ZSCAN1: variants seen among roughly 807,000 people sequenced by gnomAD.
The protein encoded by ZSCAN1 is zinc finger and SCAN domain-containing protein 1.
ZSCAN1 carries 23 observed loss-of-function variants against 23.8 expected under a neutral mutation model. The observed-to-expected ratio is 0.97, with a 90% confidence interval of 0.70 to 1.37. The LOEUF (loss-of-function observed/expected upper bound fraction) is 1.37, where lower values mean the gene tolerates loss of function less well. Ranked by LOEUF, ZSCAN1 falls within the 40% of genes most tolerant of loss-of-function variation. The pLI is 0.00. For missense variants in ZSCAN1, 575 were observed against 554.0 expected, an observed-to-expected ratio of 1.04 and a Z score of -0.38; for synonymous variants, 236 against 232.3, an observed-to-expected ratio of 1.02 and a Z score of -0.15.
intron 1 of ZSCAN1, chr19:58,035,394 T>G (rs2073727744): frequency 6.6e-6 from 1 of 152,462 alleles, no homozygotes; most frequent in African/African-American, 2.4e-5. Context: ...TGCTAAGACC[T>G]CCTCTTTACC....
chr19:58,051,074 G>C (rs982625893), intron 4 of ZSCAN1, among the ~76,000 whole-genome samples: 1 of 152,130 alleles, frequency 6.6e-6, no homozygotes, highest in Non-Finnish European at 1.5e-5. Flanking sequence ...CAAGTGTGTC[G>C]ATAGCTCCTC....
chr19:58,040,298 A>G lies in ZSCAN1; in HGVS notation c.371-152A>G. The G allele has an allele frequency of 1.3e-6, 1 of 769,894 alleles. No homozygotes were observed. Among genetic ancestry groups the G allele is most frequent in the South Asian group, 1.6e-5 (1 of 60,610 alleles). The allele number at this position is 769,894 out of a possible 1,614,324, so 47.7% of individuals were successfully genotyped here. On this transcript the variant is annotated intron_variant, in intron 3 of 5. Transcript: ENST00000282326. The surrounding 1 kb of genome is among the most constrained non-coding windows in gnomAD (Gnocchi z 5.8). ...AGGTTCCTGCCCAGCAGCCACATGG[A>G]GGGACAGAATGACAGCCCTGCAGCC...
At chr19:58,038,508 G>C (rs1315977548) in intron 3 of ZSCAN1, 2 of 559,416 alleles carry the variant, frequency 3.6e-6, no homozygotes, top group Non-Finnish European at 6.3e-6. Flanking sequence ...GAAGGACGCT[G>C]CCTCGCCACT....
In ZSCAN1 at chr19:58,038,385, G is replaced by A. The variant is rs897807117; in HGVS notation, c.370+179G>A. On this transcript the variant is annotated intron_variant, in intron 3 of 5. Transcript: ENST00000282326. ...ATTTTTACATATAAATGTGCTGCAC[G>A]CCTCATCTGCCTCGAATTTCTCACT... The A allele has an allele frequency of 6.5e-5, 48 of 743,610 alleles. No homozygotes were observed. In the Middle Eastern group the frequency reaches 9.5e-4, roughly 15 times the overall value. 46.1% of individuals were successfully genotyped at this position (743,610 alleles called of 1,614,324 possible). A position where few individuals can be genotyped will look rare whatever the true frequency, so the allele number is the denominator to read the frequency against.
At chr19:58,046,908 G>A (rs1393148963) in intron 4 of ZSCAN1, 2 of 533,376 alleles carry the variant, frequency 3.7e-6, no homozygotes, top group Non-Finnish European at 6.9e-6. Flanking sequence ...CAAGTAAACT[G>A]TAATTTTCAT....
Position 58,038,076 on chromosome 19 carries a change from G to C in ZSCAN1, c.240G>C (p.Leu80=). ...EARSKEQMLE[L]LVLEQFLGAL... ...GCTCCAAGGAGCAGATGCTGGAGCT[G>C]CTGGTGCTGGAGCAGTTCCTGGGCG... Residue 80 remains leucine, a synonymous_variant, in exon 3 of 6, where the codon CTG becomes CTC. Coordinates refer to ENST00000282326, the MANE Select transcript of ZSCAN1 (RefSeq NM_182572.4). 1 of 1,611,770 alleles carries C rather than the reference G, an allele frequency of 6.2e-7. No individual in the cohort carries two copies. Among genetic ancestry groups the C allele is most frequent in the Non-Finnish European group, 8.5e-7 (1 of 1,179,838 alleles).
At chr19:58,035,189 G>T (rs369865295) in intron 1 of ZSCAN1, among the ~76,000 whole-genome samples, 80 of 151,998 alleles carry the variant, frequency 5.3e-4, no homozygotes, top group African/African-American at 1.9e-3. Flanking sequence ...TTGCCCATGG[G>T]GGGGCCCAGA....
chr19:58,036,044 C>G (rs1303554434), intron 2 of ZSCAN1, 33 bp downstream of exon 2: 1 of 152,268 alleles, frequency 6.6e-6, no homozygotes, highest in South Asian at 2.1e-4. Flanking sequence ...GGCCGCCCCC[C>G]ATGGGCGTCT....
chr19:58,048,606 C>A (rs955619773), intron 4 of ZSCAN1, among the ~76,000 whole-genome samples: 1 of 152,172 alleles, frequency 6.6e-6, no homozygotes, highest in African/African-American at 2.4e-5. Flanking sequence ...CACAGACAAA[C>A]GCCACTATGC....
intron 4 of ZSCAN1, chr19:58,046,155 GC>G (rs1292668846): frequency 2.7e-6 from 2 of 729,078 alleles, no homozygotes; most frequent in East Asian, 4.9e-5. Flanking sequence ...CTGCCCCCGT[GC>G]TAGAGGGCTT....
intron 4 of ZSCAN1, chr19:58,046,490 T>G (rs990966975): frequency 1.1e-6 from 1 of 881,984 alleles, no homozygotes; most frequent in Admixed American, 1.7e-5. Flanking sequence ...GGCGTGCCCA[T>G]GGGGGAGAAC....
intron 4 of ZSCAN1, among the ~76,000 whole-genome samples, chr19:58,043,700 A>T (rs2073805317): frequency 6.6e-6 from 1 of 151,908 alleles, no homozygotes; most frequent in Admixed American, 6.5e-5. Context: ...CCCAGGCTGG[A>T]GTGCAGTGGC....
In ZSCAN1 at chr19:58,054,390, G is replaced by A. The variant is rs1225224949; in HGVS notation, c.*339G>A. 4.4e-6 allele frequency: 1 copy of A among 224,786 alleles called. No homozygotes were observed. Among genetic ancestry groups the A allele is most frequent in the Non-Finnish European group, 8.7e-6 (1 of 114,622 alleles). 13.9% of individuals were successfully genotyped at this position (224,786 alleles called of 1,614,324 possible). ...TCTCCCTGTTAGCACCTGACTCAGC[G>A]GCAGCTTCTGCCGCTGGGTTTTCAT... On this transcript the variant is annotated 3_prime_UTR_variant, in exon 6 of 6. Coordinates refer to ENST00000282326, the MANE Select transcript of ZSCAN1 (RefSeq NM_182572.4). This position sits in a 1 kb window ranked among gnomAD's most constrained non-coding sequence, Gnocchi z 4.2.
In ZSCAN1 at chr19:58,049,567, T is replaced by G. The variant is rs1159539075; in HGVS notation, c.466-2923T>G. ...AGTCATTATAATTTTACGAGATCAC[T>G]GTGGTGTGTGTGGTCCATTGTTGAC... is the stretch of plus-strand genomic sequence containing the variant. On this transcript the variant is annotated intron_variant, in intron 4 of 5. Transcript: ENST00000282326. The surrounding 1 kb of genome is among the most constrained non-coding windows in gnomAD (Gnocchi z 4.5). 1.3e-5 allele frequency among the ~76,000 whole-genome samples: 2 copies of G among 152,134 alleles called. No homozygotes were observed. The highest frequency in any genetic ancestry group is 2.9e-5 in the Non-Finnish European group (2 of 68,024).
In ZSCAN1 at chr19:58,040,575, T is replaced by G. The variant is rs371329143; in HGVS notation, c.465+31T>G. ...CCCGGGGCCCCCAGCTCCGTGCTCC[T>G]GCACCCCAGGGCATGCGTGCCGCTT... is the stretch of plus-strand genomic sequence containing the variant. On this transcript the variant is annotated intron_variant, in intron 4 of 5. Coordinates refer to ENST00000282326, the MANE Select transcript of ZSCAN1 (RefSeq NM_182572.4). The surrounding 1 kb of genome is among the most constrained non-coding windows in gnomAD (Gnocchi z 5.8). 70 of 1,605,496 alleles carry G rather than the reference T, an allele frequency of 4.4e-5. No homozygotes were observed. Among genetic ancestry groups the G allele is most frequent in the Admixed American group, 1.2e-4 (7 of 59,984 alleles).
At chr19:58,038,634 G>A (rs1459894364) in intron 3 of ZSCAN1, among the ~76,000 whole-genome samples, 1 of 152,216 alleles carries the variant, frequency 6.6e-6, no homozygotes, top group Non-Finnish European at 1.5e-5. Context: ...GCTTAGGTCT[G>A]CATCCCGACT....
Position 58,045,853 on chromosome 19 carries a change from G to A in ZSCAN1, c.465+5309G>A. ...GTAGCTCCCGGACACCCTCTTGCCA[G>A]CCGACCAGCTCAAGTCCACACTGCA... On this transcript the variant is annotated intron_variant, in intron 4 of 5. Transcript: ENST00000282326. The surrounding 1 kb of genome is among the most constrained non-coding windows in gnomAD (Gnocchi z 4.3). 1 of 1,133,338 alleles carries A rather than the reference G, an allele frequency of 8.8e-7. No homozygotes were observed. The highest frequency in any genetic ancestry group is 1.3e-6 in the Non-Finnish European group (1 of 741,584). 70.2% of individuals were successfully genotyped at this position (1,133,338 alleles called of 1,614,324 possible). A position where few individuals can be genotyped will look rare whatever the true frequency, so the allele number is the denominator to read the frequency against.
At position 58,045,930 on chromosome 19, in the gene ZSCAN1, G is replaced by A; in HGVS notation, c.465+5386G>A. ...AAGCACAGGTGAAAGTGGCCGAGGT[G>A]GAGGGCAAGCAGGTGGACAAGGCCA... On this transcript the variant is annotated intron_variant, in intron 4 of 5. Transcript: ENST00000282326. This position sits in a 1 kb window ranked among gnomAD's most constrained non-coding sequence, Gnocchi z 4.3. 1.1e-6 allele frequency: 1 copy of A among 918,288 alleles called. No homozygotes were observed. Among genetic ancestry groups the A allele is most frequent in the East Asian group, 2.4e-5 (1 of 41,886 alleles). The allele number at this position is 918,288 out of a possible 1,614,324, so 56.9% of individuals were successfully genotyped here. A position where few individuals can be genotyped will look rare whatever the true frequency, so the allele number is the denominator to read the frequency against.
rs67254346 is a variant in ZSCAN1, at chr19:58,039,770, CAAAAAAAAAA to C, written c.371-667_371-658del. ...TGGGCGACAGAGCGAGACTCCGTCT[CAAAAAAAAAA>C]AAAAAAAAAAAAGGAACAACCAGTG... On this transcript the variant is annotated intron_variant, in intron 3 of 5. Transcript: ENST00000282326. Among the ~76,000 whole-genome samples, 8 of 83,270 alleles carry C rather than the reference CAAAAAAAAAA, an allele frequency of 9.6e-5. No homozygotes were observed. The East Asian group carries it at 2.8e-3, about 29-fold the overall frequency. 54.6% of individuals were successfully genotyped at this position (83,270 alleles called of 152,430 possible).
Sources: allele counts gnomAD v4.1 joint callset (sites outside exome capture counted in the v4.1 genomes callset), GRCh38; gene constraint gnomAD v4.1.1; non-coding constraint Gnocchi (gnomAD v3.1); transcripts MANE v1.5; gene names NCBI Gene and HGNC (gene_info 2026-07-23, HGNC 2026-07-21).